PACS2: variants seen among roughly 807,000 people sequenced by gnomAD.
The protein encoded by PACS2 is phosphofurin acidic cluster sorting protein 2.
Under a neutral mutation model 113.0 loss-of-function variants are expected in PACS2, and 36 were observed. The observed-to-expected ratio is 0.32, with a 90% confidence interval of 0.24 to 0.42. The LOEUF is 0.42. PACS2 is among the 10% of genes least tolerant of loss of function. The pLI is 1.00. For synonymous variants in PACS2, 589 were observed against 536.1 expected (o/e 1.10, Z -1.36); for missense variants, 1,015 against 1,239.5 (o/e 0.82, Z 2.72).
At chr14:105,331,108 T>C (rs910679993) in intron 1 of PACS2, among the ~76,000 whole-genome samples, 1 of 151,974 alleles carries the variant, frequency 6.6e-6, no homozygotes, top group African/African-American at 2.4e-5. Flanking sequence ...GCATGCACCG[T>C]CACACCCAGC....
intron 1 of PACS2, among the ~76,000 whole-genome samples, chr14:105,346,374 C>G (rs959435395): frequency 3.9e-5 from 6 of 152,020 alleles, no homozygotes; most frequent in Non-Finnish European, 7.4e-5. Flanking sequence ...AATCACACAG[C>G]CCGGTTGGTG....
chr14:105,311,531 A>G (rs1427821109), upstream of PACS2, among the ~76,000 whole-genome samples: 1 of 152,230 alleles, frequency 6.6e-6, no homozygotes, highest in Non-Finnish European at 1.5e-5. Context: ...CTGGGATTAC[A>G]GGTGTGAGCC....
chr14:105,359,344 G>C (rs1428229877), intron 4 of PACS2, among the ~76,000 whole-genome samples: 8 of 149,482 alleles, frequency 5.4e-5, no homozygotes, highest in Admixed American at 5.3e-4. Flanking sequence ...TTCGTGATGT[G>C]GTTTCACTTT....
intron 1 of PACS2, among the ~76,000 whole-genome samples, chr14:105,303,424 T>C (rs1325788528): frequency 1.3e-5 from 2 of 151,522 alleles, no homozygotes; most frequent in Non-Finnish European, 2.9e-5. Flanking sequence ...TTTGTATTTT[T>C]AGTAGAGACA....
rs1284243954 is a variant in PACS2, at chr14:105,314,845, G to C, written c.-74G>C. The C allele has an allele frequency of 1.6e-6, 1 of 611,100 alleles. No individual in the cohort carries two copies. Among genetic ancestry groups the C allele is most frequent in the Non-Finnish European group, 2.0e-6 (1 of 493,396 alleles). The allele number at this position is 611,100 out of a possible 1,614,324, so 37.9% of individuals were successfully genotyped here. Reference sequence around the variant, plus strand: ...GTGACCGCGCCGCCGCCCTCCGCGCGCCCGGCCCGCCCGCCGCGCGTCCGC... The same window carrying C: ...GTGACCGCGCCGCCGCCCTCCGCGCCCCCGGCCCGCCCGCCGCGCGTCCGC... On this transcript the variant is annotated 5_prime_UTR_variant, in exon 1 of 25. Transcript: ENST00000447393.
chr14:105,373,034 A>T (rs1555409685), intron 8 of PACS2: 1 of 152,282 alleles, frequency 6.6e-6, no homozygotes, highest in African/African-American at 2.4e-5. Flanking sequence ...TTTTAAAATG[A>T]GTAAGACTCA....
At chr14:105,322,830 G>A (rs2058952087) in intron 1 of PACS2, among the ~76,000 whole-genome samples, 1 of 152,222 alleles carries the variant, frequency 6.6e-6, no homozygotes, top group Non-Finnish European at 1.5e-5. Flanking sequence ...TCCTTCTTCT[G>A]TTGAATATTT....
In PACS2 at chr14:105,329,537, G is replaced by A. The variant is rs766738384; in HGVS notation, c.119+14500G>A. ...ATGCTCTAGATCCTTGGGCTCATGG[G>A]GCAGTAGAGTGGGGGGCTGTGGTCC... On this transcript the variant is annotated intron_variant, in intron 1 of 24. Coordinates refer to ENST00000447393, the MANE Select transcript of PACS2 (RefSeq NM_001100913.3). The surrounding 1 kb of genome is among the most constrained non-coding windows in gnomAD (Gnocchi z 6.4). Among the ~76,000 whole-genome samples the A allele has an allele frequency of 1.3e-5, 2 of 152,132 alleles. No homozygotes were observed. Among genetic ancestry groups the A allele is most frequent in the East Asian group, 3.9e-4 (2 of 5,182 alleles).
chr14:105,369,381 G>A (rs1292926686), intron 7 of PACS2, among the ~76,000 whole-genome samples: 3 of 152,318 alleles, frequency 2.0e-5, no homozygotes, highest in East Asian at 1.9e-4. Context: ...TGAGGGTCCC[G>A]CTCACCCAGT....
Position 105,324,845 on chromosome 14 carries a change from A to G in PACS2, c.119+9808A>G, listed in dbSNP as rs2059036637. Among the ~76,000 whole-genome samples the G allele has an allele frequency of 6.6e-6, 1 of 152,132 alleles. No homozygotes were observed. The highest frequency in any genetic ancestry group is 1.5e-5 in the Non-Finnish European group (1 of 68,010). On this transcript the variant is annotated intron_variant, in intron 1 of 24. Transcript: ENST00000447393. This position sits in a 1 kb window ranked among gnomAD's most constrained non-coding sequence, Gnocchi z 4.7. The stretch of plus-strand genomic sequence containing the variant: ...CAGGTCCTCTGCATGGTCAGGGGCC[A>G]TGCTGGGTCCCCTGGGGTGCAGATG...
At chr14:105,328,356 G>A (rs2059195975) in intron 1 of PACS2, among the ~76,000 whole-genome samples, 1 of 152,206 alleles carries the variant, frequency 6.6e-6, no homozygotes, top group African/African-American at 2.4e-5. Flanking sequence ...GTGACCTGGT[G>A]CAAACCACCC....
chr14:105,309,544 C>T (rs141258197), upstream of PACS2, among the ~76,000 whole-genome samples: 354 of 152,312 alleles, frequency 2.3e-3, 2 homozygotes, highest in African/African-American at 7.6e-3. The surrounding 1 kb of genome is among the most constrained non-coding windows in gnomAD (Gnocchi z 4.0). Flanking sequence ...TCCAGTGTCA[C>T]CTGCAGGATG....
At chr14:105,390,839 C>T (rs587704950) in intron 20 of PACS2, 86 of 331,790 alleles carry the variant, frequency 2.6e-4, no homozygotes, top group African/African-American at 1.4e-3. Flanking sequence ...GGTAGATCTA[C>T]GTAGCCGCCT....
chr14:105,326,402 G>C (rs2140879282), intron 1 of PACS2, among the ~76,000 whole-genome samples: 1 of 152,374 alleles, frequency 6.6e-6, no homozygotes, highest in East Asian at 1.9e-4. Flanking sequence ...GCCTCAGGAG[G>C]GTGAGTGGCA....
rs2059250929 is a variant in PACS2 at position 105,330,160 on chromosome 14, G to T, written c.119+15123G>T. On this transcript the variant is annotated intron_variant, in intron 1 of 24. Coordinates refer to ENST00000447393, the MANE Select transcript of PACS2 (RefSeq NM_001100913.3). The surrounding 1 kb of genome is among the most constrained non-coding windows in gnomAD (Gnocchi z 6.9). ...GGGACAGGGAGCCTCCGAGAAGCCT[G>T]GGGTCCGTGTGTGGGACGGAACGGG... Among the ~76,000 whole-genome samples the T allele has an allele frequency of 6.8e-6, 1 of 146,012 alleles. No homozygotes were observed. The highest frequency in any genetic ancestry group is 6.8e-5 in the Admixed American group (1 of 14,792).
intron 18 of PACS2, 54 bp downstream of exon 18, chr14:105,385,041 T>G: frequency 9.2e-7 from 1 of 1,088,208 alleles, no homozygotes; most frequent in South Asian, 1.3e-5. Flanking sequence ...CCACCAACCC[T>G]CCGTGGGCCT....
rs369158885 is a variant in PACS2 at position 105,358,333 on chromosome 14, G to C, written c.423+3156G>C. Among the ~76,000 whole-genome samples the C allele has an allele frequency of 2.6e-5, 4 of 152,208 alleles. No individual in the cohort carries two copies. Among genetic ancestry groups the C allele is most frequent in the Non-Finnish European group, 5.9e-5 (4 of 68,028 alleles). On this transcript the variant is annotated intron_variant, in intron 4 of 24. Transcript: ENST00000447393. This position sits in a 1 kb window ranked among gnomAD's most constrained non-coding sequence, Gnocchi z 4.9. Reference sequence around the variant, plus strand: ...TGACCGCAGCCCCAGGGCCTGCTGGGCACGCGCCTCTGCCTGCCACTTCTC... The same window carrying C: ...TGACCGCAGCCCCAGGGCCTGCTGGCCACGCGCCTCTGCCTGCCACTTCTC...
At position 105,324,019 on chromosome 14, in the gene PACS2, C is replaced by T. The variant is rs906561554; in HGVS notation, c.119+8982C>T. On this transcript the variant is annotated intron_variant, in intron 1 of 24. Transcript: ENST00000447393. This position sits in a 1 kb window ranked among gnomAD's most constrained non-coding sequence, Gnocchi z 4.7. ...TGCTGTCAACACTGGAGTCACATGT[C>T]AGTGGGTCTCCTGCTGGGGACTGGC... Among the ~76,000 whole-genome samples, 1 of 152,240 alleles carries T rather than the reference C, an allele frequency of 6.6e-6. No individual in the cohort carries two copies. Among genetic ancestry groups the T allele is most frequent in the Non-Finnish European group, 1.5e-5 (1 of 68,040 alleles).
chr14:105,384,755 A>G (rs2081115345), intron 17 of PACS2, 124 bp from the exon 18 acceptor site: 1 of 685,690 alleles, frequency 1.5e-6, no homozygotes, highest in East Asian at 2.7e-5. Context: ...AGCTGCAACC[A>G]GCGAGCCCTG....
Sources: gnomAD v4.1 joint callset for allele counts (sites outside exome capture counted in the v4.1 genomes callset) on GRCh38, gnomAD v4.1.1 for gene constraint, Gnocchi (gnomAD v3.1) non-coding constraint, MANE v1.5 for transcripts, NCBI Gene and HGNC (gene_info 2026-07-23, HGNC 2026-07-21) for gene names.